GNPTG: variants seen among roughly 807,000 people sequenced by gnomAD.
GNPTG encodes N-acetylglucosamine-1-phosphotransferase subunit gamma.
A neutral mutation model predicts 43.8 loss-of-function variants in GNPTG; 46 were observed. The ratio of observed to expected loss-of-function variants is 1.05; its 90% CI spans 0.83 to 1.34. The LOEUF is 1.34. Ranked by LOEUF, GNPTG falls within the 40% of genes most tolerant of loss-of-function variation. The probability of loss-of-function intolerance (pLI) is 0.00; values close to 1 mark genes in which losing one functional copy is unlikely to be tolerated. For synonymous variants in GNPTG, 250 were observed against 172.8 expected, an observed-to-expected ratio of 1.45 and a Z score of -3.50; for missense variants, 549 against 411.3, an observed-to-expected ratio of 1.33 and a Z score of -2.90.
At chr16:1,355,828 G>A (rs370837906) in intron 3 of GNPTG, among the ~76,000 whole-genome samples, 2 of 152,024 alleles carry the variant, frequency 1.3e-5, no homozygotes, top group Non-Finnish European at 2.9e-5. Flanking sequence ...TGGCAAGTGC[G>A]GCTCCCAGCA....
At chr16:1,354,509 C>G (rs988097511) in intron 3 of GNPTG, among the ~76,000 whole-genome samples, 1 of 143,888 alleles carries the variant, frequency 6.9e-6, no homozygotes, top group African/African-American at 2.6e-5. Flanking sequence ...TTGCTTGAAT[C>G]CAGGAGGCGG....
intron 3 of GNPTG, among the ~76,000 whole-genome samples, chr16:1,352,967 A>T (rs1231852080): frequency 1.2e-4 from 16 of 132,668 alleles, no homozygotes; most frequent in South Asian, 1.2e-3. Flanking sequence ...AAATCCAAGA[A>T]TTTTTTTTTT....
rs772723751 is a variant in GNPTG, at chr16:1,363,026, G to C, written c.853G>C (p.Glu285Gln). Residue 285 changes from glutamate (E) to glutamine (Q), a missense_variant, in exon 11 of 11, where the codon GAG (glutamate) becomes CAG (glutamine). By Grantham distance (29) the Glu-to-Gln change is conservative (BLOSUM62 2). Transcript: ENST00000204679. ...TTCCAACTTGGAGCACTTGGGCCAC[G>C]AGACGCCCAGAGCCAAGTCTCCAGA... ...ETSNLEHLGH[E>Q]TPRAKSPEQL... 8 of 1,614,036 alleles carry C rather than the reference G, an allele frequency of 5.0e-6. No individual in the cohort carries two copies. Among genetic ancestry groups the C allele is most frequent in the South Asian group, 1.1e-5 (1 of 91,060 alleles).
At chr16:1,353,685 G>A (rs1212232942) in intron 3 of GNPTG, among the ~76,000 whole-genome samples, 4 of 152,110 alleles carry the variant, frequency 2.6e-5, no homozygotes, top group East Asian at 1.9e-4. Flanking sequence ...CACCATGCCC[G>A]GCAAATGTTA....
At chr16:1,356,740 C>G (rs1035561536) in intron 3 of GNPTG, among the ~76,000 whole-genome samples, 1 of 152,214 alleles carries the variant, frequency 6.6e-6, no homozygotes, top group Non-Finnish European at 1.5e-5. Flanking sequence ...AGGTGCAGAG[C>G]TAAGCCCGGC....
chr16:1,361,019 A>AC (rs2034860601), intron 3 of GNPTG: 1 of 152,148 alleles, frequency 6.6e-6, no homozygotes, highest in African/African-American at 2.4e-5. Flanking sequence ...TGCACTCTCC[A>AC]CCTCCTGGGT....
At chr16:1,361,616 C>G in intron 3 of GNPTG, 127 bp from the exon 4 acceptor site, 1 of 942,646 alleles carries the variant, frequency 1.1e-6, no homozygotes, top group Non-Finnish European at 1.7e-6. Flanking sequence ...TGCACTCCAG[C>G]CTGGGTGACA....
rs1281782195 is a variant in GNPTG at position 1,362,093 on chromosome 16, G to T, written c.373G>T (p.Asp125Tyr). 2 of 1,611,752 alleles carry T rather than the reference G, an allele frequency of 1.2e-6. No homozygotes were observed. The highest frequency in any genetic ancestry group is 4.5e-5 in the East Asian group (2 of 44,720). ...NNTFTGMWMR[D>Y]GDACRSRSRQ... ...CACCTTCACGGGCATGTGGATGAGGGACGGTGACGCCTGCCGTTCCCGGAG... is the reference window on the plus strand; with the variant it reads ...CACCTTCACGGGCATGTGGATGAGGTACGGTGACGCCTGCCGTTCCCGGAG... Residue 125 changes from aspartate (D) to tyrosine (Y), a missense_variant, in exon 6 of 11, where the codon GAC becomes TAC. By Grantham distance (160) the Asp-to-Tyr change is radical (BLOSUM62 -3). Coordinates refer to ENST00000204679, the MANE Select transcript of GNPTG (RefSeq NM_032520.5).
chr16:1,355,017 G>A (rs932638537), intron 3 of GNPTG, among the ~76,000 whole-genome samples: 18 of 152,336 alleles, frequency 1.2e-4, no homozygotes, highest in African/African-American at 4.1e-4. Flanking sequence ...GGTGGGGCGT[G>A]GATCGTCTCC....
chr16:1,358,723 C>T (rs989188403), intron 3 of GNPTG, among the ~76,000 whole-genome samples: 2 of 152,108 alleles, frequency 1.3e-5, no homozygotes, highest in Non-Finnish European at 1.5e-5. Context: ...CACGAGGGGT[C>T]CAGTTTCTCC....
intron 3 of GNPTG, among the ~76,000 whole-genome samples, chr16:1,355,911 G>A (rs1185250809): frequency 1.3e-5 from 2 of 152,082 alleles, no homozygotes; most frequent in Non-Finnish European, 2.9e-5. Flanking sequence ...GCAGTCCCTG[G>A]TGCTTGGAGA....
intron 10 of GNPTG, 36 bp from the exon 11 acceptor site, chr16:1,362,961 G>T (rs74645113): frequency 1.2e-6 from 2 of 1,612,018 alleles, no homozygotes; most frequent in Non-Finnish European, 1.7e-6. Context: ...CCACCTGTGG[G>T]TCCAGGTGAG....
At chr16:1,362,951 C>T (rs747089738) in intron 10 of GNPTG, 45 bp downstream of exon 10, 2 of 1,612,916 alleles carry the variant, frequency 1.2e-6, no homozygotes, top group Non-Finnish European at 1.7e-6. Flanking sequence ...ATCACACTCG[C>T]CACCTGTGGG....
chr16:1,357,394 G>A (rs930247819), intron 3 of GNPTG, among the ~76,000 whole-genome samples: 2 of 152,216 alleles, frequency 1.3e-5, no homozygotes, highest in African/African-American at 4.8e-5. Flanking sequence ...GCGGGGGCCA[G>A]GCTGAGGGTG....
chr16:1,354,595 A>AAC (rs1567180507), intron 3 of GNPTG, among the ~76,000 whole-genome samples: 2 of 149,942 alleles, frequency 1.3e-5, no homozygotes, highest in Non-Finnish European at 3.0e-5. Flanking sequence ...CAAAAAAAAA[A>AAC]AAAAAAAAAA....
intron 3 of GNPTG, among the ~76,000 whole-genome samples, chr16:1,356,905 G>A (rs1346794006): frequency 1.0e-4 from 1 of 9,780 alleles, no homozygotes; most frequent in Non-Finnish European, 2.5e-4. Flanking sequence ...GGGAGTGTGC[G>A]GGCGAGAGTG....
In GNPTG at chr16:1,354,585, CAAAAAAAAAAA is replaced by C. The variant is rs869067502; in HGVS notation, c.178+2293_178+2303del. 7.9e-4 allele frequency among the ~76,000 whole-genome samples: 35 copies of C among 44,384 alleles called. 2 individuals carry two copies. The highest frequency in any genetic ancestry group is 4.0e-5 in the Non-Finnish European group (1 of 24,796). 29.1% of individuals were successfully genotyped at this position (44,384 alleles called of 152,430 possible). A position where few individuals can be genotyped will look rare whatever the true frequency, so the allele number is the denominator to read the frequency against. ...TGGGTGACAGAGCAAGACTTCGTCT[CAAAAAAAAAAA>C]AAAAAAAAAAAAACCCATAAAAATT... is the stretch of plus-strand genomic sequence containing the variant. On this transcript the variant is annotated intron_variant, in intron 3 of 10. Transcript: ENST00000204679.
chr16:1,363,948 T>A lies in GNPTG; in HGVS notation c.*857T>A, dbSNP rs1026894199. 2 of 152,148 alleles carry A rather than the reference T, an allele frequency of 1.3e-5. No homozygotes were observed. The highest frequency in any genetic ancestry group is 2.9e-5 in the Non-Finnish European group (2 of 68,022). 9.4% of individuals were successfully genotyped at this position (152,148 alleles called of 1,614,324 possible). A position where few individuals can be genotyped will look rare whatever the true frequency, so the allele number is the denominator to read the frequency against. On this transcript the variant is annotated 3_prime_UTR_variant, in exon 11 of 11. Coordinates refer to ENST00000204679, the MANE Select transcript of GNPTG (RefSeq NM_032520.5). ...GACACCCTGAGGGGCGGGCGCCACCTCCTTCCCAGAAAGAGCAGAGCAGCT... is the reference window on the plus strand; with the variant it reads ...GACACCCTGAGGGGCGGGCGCCACCACCTTCCCAGAAAGAGCAGAGCAGCT...
At chr16:1,355,124 C>T (rs957580936) in intron 3 of GNPTG, among the ~76,000 whole-genome samples, 6 of 150,266 alleles carry the variant, frequency 4.0e-5, no homozygotes, top group East Asian at 2.0e-4. Flanking sequence ...GATGGTCTCC[C>T]GCCTCTGCGG....
Sources: gnomAD v4.1 joint callset for allele counts (sites outside exome capture counted in the v4.1 genomes callset) on GRCh38, gnomAD v4.1.1 for gene constraint, MANE v1.5 for transcripts, NCBI Gene and HGNC (gene_info 2026-07-23, HGNC 2026-07-21) for gene names.